ARHGEF7: variants seen among roughly 807,000 people sequenced by gnomAD.
ARHGEF7 encodes PAK-interacting exchange factor beta.
A neutral mutation model predicts 109.8 loss-of-function variants in ARHGEF7; 33 were observed. That is an observed-to-expected ratio of 0.30 (90% CI 0.23 to 0.40). The LOEUF is 0.40. ARHGEF7 is among the 10% of genes least tolerant of loss of function. ARHGEF7 has a pLI of 1.00. For synonymous variants in ARHGEF7, 458 were observed against 424.6 expected, an observed-to-expected ratio of 1.08 and a Z score of -0.97; for missense variants, 938 against 1,098.5, an observed-to-expected ratio of 0.85 and a Z score of 2.07.
chr13:111,151,661 A>G (rs1248337975), intron 1 of ARHGEF7, among the ~76,000 whole-genome samples: 2 of 152,338 alleles, frequency 1.3e-5, no homozygotes, highest in East Asian at 3.9e-4. Context: ...CTCATGGCCA[A>G]CAGCACTATA....
intron 3 of ARHGEF7, among the ~76,000 whole-genome samples, chr13:111,206,743 C>T (rs533370984): frequency 4.0e-5 from 6 of 151,884 alleles, no homozygotes; most frequent in Non-Finnish European, 5.9e-5. Context: ...GGGCGGATCA[C>T]GAGGTCAGGA....
chr13:111,158,261 A>T (rs1377248278), intron 2 of ARHGEF7, among the ~76,000 whole-genome samples: 1 of 152,242 alleles, frequency 6.6e-6, no homozygotes, highest in Admixed American at 6.5e-5. Flanking sequence ...GTGGGCTCAC[A>T]TACAGTGTTA....
chr13:111,167,205 A>G (rs905864311), intron 2 of ARHGEF7, among the ~76,000 whole-genome samples: 4 of 152,208 alleles, frequency 2.6e-5, no homozygotes, highest in African/African-American at 9.6e-5. Context: ...GTTTGTGGTC[A>G]TATAGCGTGA....
intron 19 of ARHGEF7, chr13:111,293,092 C>T: frequency 2.0e-6 from 2 of 985,468 alleles, no homozygotes; most frequent in South Asian, 9.4e-5. Flanking sequence ...TTATAAGGCA[C>T]ATAGCAAGCC....
chr13:111,230,250 C>T (rs1187839739), intron 5 of ARHGEF7, among the ~76,000 whole-genome samples: 1 of 152,188 alleles, frequency 6.6e-6, no homozygotes, highest in Non-Finnish European at 1.5e-5. Flanking sequence ...GTTCCCCACT[C>T]CTCAATACCA....
chr13:111,204,447 G>T (rs376098287), intron 2 of ARHGEF7, among the ~76,000 whole-genome samples: 14 of 152,206 alleles, frequency 9.2e-5, no homozygotes, highest in East Asian at 7.7e-4. Context: ...TTTGCTTGAG[G>T]TTATTTGGTG....
chr13:111,283,659 G>A (rs2092892818), intron 16 of ARHGEF7, among the ~76,000 whole-genome samples: 1 of 152,188 alleles, frequency 6.6e-6, no homozygotes, highest in Admixed American at 6.5e-5. Flanking sequence ...GAAAGGCGCT[G>A]AGCCCAGGTG....
intron 2 of ARHGEF7, among the ~76,000 whole-genome samples, chr13:111,183,604 T>C (rs1390662369): frequency 6.6e-6 from 1 of 152,232 alleles, no homozygotes; most frequent in Non-Finnish European, 1.5e-5. Flanking sequence ...TACATTGTCA[T>C]TTTATCAATT....
rs2081679370 is a variant in ARHGEF7, at chr13:111,205,295, G to C, written c.259G>C (p.Asp87His). The change falls in exon 3 of 22, where the codon GAT becomes CAT. Residue 87 changes from aspartate (D) to histidine (H), a missense_variant. Physicochemically the swap from Asp to His is moderately conservative, Grantham distance 81. Coordinates refer to ENST00000646102, the MANE Select transcript of ARHGEF7 (RefSeq NM_001354046.2). ...CGASLRLETF[D>H]ANDLYQGQNF... ...GTTTAATTTTTCCTTTCAGACGTTT[G>C]ATGCAAATGATTTGTATCAGGGGCA... The C allele has an allele frequency of 6.3e-7, 1 of 1,599,926 alleles. No individual in the cohort carries two copies. Among genetic ancestry groups the C allele is most frequent in the Admixed American group, 1.8e-5 (1 of 55,126 alleles).
chr13:111,248,587 G>A (rs1365147235), intron 8 of ARHGEF7, among the ~76,000 whole-genome samples: 3 of 152,082 alleles, frequency 2.0e-5, no homozygotes, highest in East Asian at 3.8e-4. Context: ...GTTGAATGGC[G>A]TCTGCTGTGT....
rs534061089 is a variant in ARHGEF7, at chr13:111,266,832, G to A, written c.951-716G>A. The stretch of plus-strand genomic sequence containing the variant: ...CGTGGTTCTCCTGTTTTCAGCACAC[G>A]TGCCCCTGCTCCGGGTTGTTGCTGT... On this transcript the variant is annotated intron_variant, in intron 8 of 21. Transcript: ENST00000646102. The surrounding 1 kb of genome is among the most constrained non-coding windows in gnomAD (Gnocchi z 4.8). 4.6e-5 allele frequency: 21 copies of A among 456,010 alleles called. No individual in the cohort carries two copies. The highest frequency in any genetic ancestry group is 3.5e-4 in the Admixed American group (15 of 42,574). The allele number at this position is 456,010 out of a possible 1,614,324, so 28.2% of individuals were successfully genotyped here. A position where few individuals can be genotyped will look rare whatever the true frequency, so the allele number is the denominator to read the frequency against.
chr13:111,190,723 G>T (rs1482347428), intron 2 of ARHGEF7, among the ~76,000 whole-genome samples: 2 of 152,222 alleles, frequency 1.3e-5, no homozygotes, highest in African/African-American at 4.8e-5. Flanking sequence ...CAATGTTAAT[G>T]TTGGGACTTA....
chr13:111,224,013 C>G (rs1377073758), intron 5 of ARHGEF7, among the ~76,000 whole-genome samples: 1 of 152,092 alleles, frequency 6.6e-6, no homozygotes, highest in African/African-American at 2.4e-5. Context: ...CCCGCCACCA[C>G]GCCCGGCTAA....
At chr13:111,241,639 A>G (rs941866400) in intron 6 of ARHGEF7, among the ~76,000 whole-genome samples, 1 of 152,324 alleles carries the variant, frequency 6.6e-6, no homozygotes, top group African/African-American at 2.4e-5. Flanking sequence ...CATTTCTACA[A>G]CCAGCGCTTA....
chr13:111,189,629 A>G (rs2079636361), intron 2 of ARHGEF7, among the ~76,000 whole-genome samples: 1 of 152,298 alleles, frequency 6.6e-6, no homozygotes, highest in East Asian at 1.9e-4. Flanking sequence ...AAGGGGACCC[A>G]AGTGGGTTGC....
chr13:111,293,789 C>T (rs747810602), intron 19 of ARHGEF7: 60 of 985,294 alleles, frequency 6.1e-5, no homozygotes, highest in Admixed American at 3.7e-4. Flanking sequence ...CCCACTCCTT[C>T]GCCAAACCCA....
At chr13:111,143,630 C>T (rs1016051902) in intron 1 of ARHGEF7, 3 of 152,162 alleles carry the variant, frequency 2.0e-5, no homozygotes, top group African/African-American at 7.2e-5. Flanking sequence ...AATCTTCGAC[C>T]ACCAGACTCA....
intron 1 of ARHGEF7, among the ~76,000 whole-genome samples, chr13:111,132,071 AT>A (rs2074785461): frequency 6.6e-6 from 1 of 152,164 alleles, no homozygotes; most frequent in African/African-American, 2.4e-5. Context: ...ACTGTCTTGA[AT>A]GTTTGGTTAA....
intron 1 of ARHGEF7, among the ~76,000 whole-genome samples, chr13:111,117,203 G>C: frequency 6.6e-6 from 1 of 152,102 alleles, no homozygotes; most frequent in East Asian, 1.9e-4. Context: ...AAAACATGTC[G>C]CCATCAAAGA....
Sources: allele counts gnomAD v4.1 joint callset (sites outside exome capture counted in the v4.1 genomes callset), GRCh38; gene constraint gnomAD v4.1.1; non-coding constraint Gnocchi (gnomAD v3.1); transcripts MANE v1.5; gene names NCBI Gene and HGNC (gene_info 2026-07-23, HGNC 2026-07-21).